The following RBMS3 variants were observed in gnomAD, a reference collection of about 807,000 sequenced individuals.
RBMS3 encodes the protein RNA binding motif single stranded interacting protein 3.
A neutral mutation model predicts 66.8 loss-of-function variants in RBMS3; 27 were observed. That is an observed-to-expected ratio of 0.40 (90% CI 0.30 to 0.56). The LOEUF (loss-of-function observed/expected upper bound fraction) is 0.56. Ranked by LOEUF, RBMS3 falls within the 20% of genes least tolerant of loss-of-function variation. The pLI, the probability that RBMS3 is intolerant of heterozygous loss-of-function variation, is 0.40. For synonymous variants in RBMS3, 188 were observed against 183.0 expected, an observed-to-expected ratio of 1.03 and a Z score of -0.22; for missense variants, 513 against 549.5, an observed-to-expected ratio of 0.93 and a Z score of 0.66.
chr3:29,447,415 C>T (rs2041870682), intron 2 of RBMS3, among the ~76,000 whole-genome samples: 1 of 152,118 alleles, frequency 6.6e-6, no homozygotes, highest in African/African-American at 2.4e-5. Context: ...TTTCTATTCT[C>T]TGTCACATCA....
chr3:29,544,357 C>A (rs2045870312), intron 3 of RBMS3, among the ~76,000 whole-genome samples: 1 of 150,578 alleles, frequency 6.6e-6, no homozygotes, highest in Admixed American at 6.6e-5. Flanking sequence ...ATGATAAAAT[C>A]AAGTTGCCTT....
intron 1 of RBMS3, among the ~76,000 whole-genome samples, chr3:29,300,021 A>G (rs2033563757): frequency 6.6e-6 from 1 of 151,986 alleles, no homozygotes; most frequent in Non-Finnish European, 1.5e-5. Flanking sequence ...AAAGACACAA[A>G]AAAGCATAAA....
intron 1 of RBMS3, among the ~76,000 whole-genome samples, chr3:29,354,325 A>G (rs2037091058): frequency 6.6e-6 from 1 of 152,118 alleles, no homozygotes; most frequent in African/African-American, 2.4e-5. Flanking sequence ...GCCCATAAAT[A>G]TTCATGCCAT....
chr3:29,569,484 C>T (rs2149063978), intron 3 of RBMS3, among the ~76,000 whole-genome samples: 1 of 152,244 alleles, frequency 6.6e-6, no homozygotes, highest in African/African-American at 2.4e-5. Flanking sequence ...GGTACAATTA[C>T]ATGACTATTC....
chr3:29,300,892 A>G (rs1272869129), intron 1 of RBMS3, among the ~76,000 whole-genome samples: 1 of 151,944 alleles, frequency 6.6e-6, no homozygotes, highest in Non-Finnish European at 1.5e-5. Context: ...AGTATTTTAC[A>G]AAAGGCAATG....
In RBMS3 at chr3:29,600,420, G is replaced by T. The variant is rs117089342; in HGVS notation, c.399+13215G>T. Among the ~76,000 whole-genome samples, 993 of 152,084 alleles carry T rather than the reference G, an allele frequency of 6.5e-3. 12 individuals carry two copies. Among genetic ancestry groups the T allele is most frequent in the East Asian group, 0.047 (244 of 5,158 alleles). ...TGCCACTTTGACCTTCTCTCTTGCC[G>T]TGTTATCTTTGCACAGTCTGGCTTC... is the stretch of plus-strand genomic sequence containing the variant. On this transcript the variant is annotated intron_variant, in intron 4 of 14. Transcript: ENST00000383767.
At chr3:29,648,261 C>CTTTT (rs1576434694) in intron 4 of RBMS3, among the ~76,000 whole-genome samples, 5 of 88,132 alleles carry the variant, frequency 5.7e-5, no homozygotes, top group Admixed American at 2.3e-4. Context: ...TAGAAAATGT[C>CTTTT]TATTTTTTTT....
In RBMS3 at chr3:29,298,969, C is replaced by T. The variant is rs190600238; in HGVS notation, c.75+17213C>T. ...CAGGAGTTATAACACGATTCTTGCCCCTCAGAAGTTGATAATTTATTTGAG... is the reference window on the plus strand; with the variant it reads ...CAGGAGTTATAACACGATTCTTGCCTCTCAGAAGTTGATAATTTATTTGAG... On this transcript the variant is annotated intron_variant, in intron 1 of 14. Coordinates refer to ENST00000383767, the MANE Select transcript of RBMS3 (RefSeq NM_001003793.3). 2.4e-3 allele frequency among the ~76,000 whole-genome samples: 368 copies of T among 151,782 alleles called. 4 individuals carry two copies. Among genetic ancestry groups the T allele is most frequent in the African/African-American group, 8.5e-3 (354 of 41,426 alleles).
chr3:29,566,034 T>C (rs2046730089), intron 3 of RBMS3, among the ~76,000 whole-genome samples: 1 of 152,184 alleles, frequency 6.6e-6, no homozygotes, highest in South Asian at 2.1e-4. Context: ...TGTGACCAAA[T>C]GAAAGGCTTT....
At chr3:29,888,948 A>T (rs1023397908) in intron 8 of RBMS3, among the ~76,000 whole-genome samples, 1 of 151,566 alleles carries the variant, frequency 6.6e-6, no homozygotes, top group African/African-American at 2.4e-5. Flanking sequence ...ACTCCCTTTA[A>T]TATACCTCCC....
At position 29,349,013 on chromosome 3, in the gene RBMS3, G is replaced by C. The variant is rs537794688; in HGVS notation, c.75+67257G>C. ...CAAAGTGAGAGGGTAGGGGAGGACA[G>C]GTGAGGAAGGTAGGGAAGTTCGTAC... On this transcript the variant is annotated intron_variant, in intron 1 of 14. Coordinates refer to ENST00000383767, the MANE Select transcript of RBMS3 (RefSeq NM_001003793.3). 5.9e-5 allele frequency among the ~76,000 whole-genome samples: 9 copies of C among 152,262 alleles called. No homozygotes were observed. The South Asian group carries it at 1.9e-3, about 32-fold the overall frequency.
chr3:29,619,734 T>G (rs1300187032), intron 4 of RBMS3, among the ~76,000 whole-genome samples: 2 of 152,210 alleles, frequency 1.3e-5, no homozygotes, highest in Non-Finnish European at 2.9e-5. Flanking sequence ...GAACATGGAT[T>G]TTTTTGCTGC....
intron 1 of RBMS3, among the ~76,000 whole-genome samples, chr3:29,331,896 G>A (rs932555569): frequency 8.3e-6 from 1 of 120,024 alleles, no homozygotes; most frequent in African/African-American, 3.2e-5. Flanking sequence ...AAACTGGCTT[G>A]TTCATCTATT....
intron 4 of RBMS3, among the ~76,000 whole-genome samples, chr3:29,640,407 T>C (rs893912725): frequency 6.6e-6 from 1 of 151,878 alleles, no homozygotes; most frequent in African/African-American, 2.4e-5. Context: ...TCGGGGATCA[T>C]TCTTAGACAT....
intron 3 of RBMS3, among the ~76,000 whole-genome samples, chr3:29,544,458 T>G (rs2045874294): frequency 6.6e-6 from 1 of 152,084 alleles, no homozygotes; most frequent in Non-Finnish European, 1.5e-5. Flanking sequence ...TTTGGAAATT[T>G]TCAGAAATAA....
chr3:29,651,701 T>C (rs930828475), intron 4 of RBMS3, among the ~76,000 whole-genome samples: 1 of 152,148 alleles, frequency 6.6e-6, no homozygotes, highest in Non-Finnish European at 1.5e-5. Flanking sequence ...TCATTATCCA[T>C]CAGTAGTACT....
rs763037945 is a variant in RBMS3 at position 29,739,812 on chromosome 3, A to C, written c.492A>C (p.Gly164=). 9.9e-6 allele frequency: 16 copies of C among 1,613,372 alleles called. No homozygotes were observed. Among genetic ancestry groups the C allele is most frequent in the Non-Finnish European group, 1.3e-5 (15 of 1,179,712 alleles). ...QELENMLKPF[G]HVISTRILRD... Reference sequence around the variant, plus strand: ...TTGAGAATATGCTGAAACCCTTTGGACATGTCATTTCCACAAGAATACTAA... The same window carrying C: ...TTGAGAATATGCTGAAACCCTTTGGCCATGTCATTTCCACAAGAATACTAA... Residue 164 remains glycine (G), a synonymous_variant, in exon 5 of 15, where the codon GGA becomes GGC. Transcript: ENST00000383767.
intron 10 of RBMS3, among the ~76,000 whole-genome samples, chr3:29,903,927 A>C (rs910395402): frequency 6.6e-6 from 1 of 151,996 alleles, no homozygotes; most frequent in Non-Finnish European, 1.5e-5. Flanking sequence ...AAGAGAAAAT[A>C]TAAACTTCTT....
chr3:29,735,179 C>T (rs1485471273), intron 4 of RBMS3, among the ~76,000 whole-genome samples: 2 of 152,108 alleles, frequency 1.3e-5, no homozygotes, highest in Non-Finnish European at 2.9e-5. Context: ...TATTCATTTG[C>T]TTAGCCACCT....
Sources: allele counts gnomAD v4.1 joint callset (sites outside exome capture counted in the v4.1 genomes callset), GRCh38; gene constraint gnomAD v4.1.1; transcripts MANE v1.5; gene names NCBI Gene and HGNC (gene_info 2026-07-23, HGNC 2026-07-21).